The following ZNF679 variants were observed in gnomAD, a reference collection of about 807,000 sequenced individuals.
ZNF679 encodes the protein hypothetical protein MGC42415.
In ZNF679, 10 loss-of-function variants were observed where a neutral mutation model predicts 13.4. The observed-to-expected ratio is 0.75, with a 90% CI of 0.46 to 1.27. The LOEUF (loss-of-function observed/expected upper bound fraction) is 1.27. Among genes scored for constraint, ZNF679 ranks in the 50% most tolerant of loss-of-function variants. The pLI, the probability that ZNF679 is intolerant of heterozygous loss-of-function variation, is 0.00. For synonymous variants in ZNF679, 179 were observed against 162.5 expected (o/e 1.10, Z -0.77); for missense variants, 525 against 477.8 (o/e 1.10, Z -0.92).
chr7:64,238,462 A>G (rs938126075), intron 1 of ZNF679, among the ~76,000 whole-genome samples: 5 of 152,066 alleles, frequency 3.3e-5, no homozygotes, highest in African/African-American at 1.2e-4. Flanking sequence ...ATCTCAGCTC[A>G]CTGCACCCTG....
chr7:64,256,108 T>C (rs1788001967), intron 2 of ZNF679, among the ~76,000 whole-genome samples: 2 of 152,076 alleles, frequency 1.3e-5, no homozygotes, highest in South Asian at 2.1e-4. Flanking sequence ...GTGTCTGTTC[T>C]CTTATTTGTG....
At chr7:64,264,109 A>G (rs1788112379) in intron 4 of ZNF679, among the ~76,000 whole-genome samples, 1 of 151,964 alleles carries the variant, frequency 6.6e-6, no homozygotes, top group African/African-American at 2.4e-5. Flanking sequence ...AAATGGACTT[A>G]TTTTACCATT....
chr7:64,237,675 C>T (rs1787745574), intron 1 of ZNF679, among the ~76,000 whole-genome samples: 1 of 152,134 alleles, frequency 6.6e-6, no homozygotes, highest in Admixed American at 6.5e-5. Context: ...TGGACCCAAC[C>T]ACATCAGGAC....
chr7:64,244,421 T>C (rs778430085), intron 1 of ZNF679, among the ~76,000 whole-genome samples: 1 of 151,816 alleles, frequency 6.6e-6, no homozygotes, highest in Non-Finnish European at 1.5e-5. Flanking sequence ...AGTTATATTT[T>C]TGTTTGTTTT....
chr7:64,244,906 G>A (rs1003735853), intron 1 of ZNF679, among the ~76,000 whole-genome samples: 1 of 152,212 alleles, frequency 6.6e-6, no homozygotes, highest in Non-Finnish European at 1.5e-5. Flanking sequence ...CTATATGCTG[G>A]ATGGTAGAAA....
chr7:64,253,492 A>C (rs1787967682), intron 2 of ZNF679, among the ~76,000 whole-genome samples: 2 of 152,230 alleles, frequency 1.3e-5, no homozygotes, highest in Non-Finnish European at 2.9e-5. Context: ...ACCCACAGGC[A>C]GATTCAGTCA....
At chr7:64,229,383 A>G (rs1333676019) in intron 1 of ZNF679, among the ~76,000 whole-genome samples, 1 of 152,144 alleles carries the variant, frequency 6.6e-6, no homozygotes, top group Admixed American at 6.5e-5. Flanking sequence ...TGGTCCAAGT[A>G]TAAGAGACAA....
At chr7:64,249,402 A>G (rs199791418) in intron 2 of ZNF679, among the ~76,000 whole-genome samples, 1 of 152,144 alleles carries the variant, frequency 6.6e-6, no homozygotes, top group Non-Finnish European at 1.5e-5. Flanking sequence ...CTCTCTGGGC[A>G]GCTCTGCACT....
At chr7:64,229,688 C>T (rs563069609) in intron 1 of ZNF679, among the ~76,000 whole-genome samples, 2 of 152,232 alleles carry the variant, frequency 1.3e-5, no homozygotes, top group South Asian at 2.1e-4. Context: ...AATGCAGACC[C>T]TTACCTGTGT....
Position 64,266,283 on chromosome 7 carries a change from G to A in ZNF679, c.650G>A (p.Cys217Tyr). 1 of 1,599,744 alleles carries A rather than the reference G, an allele frequency of 6.3e-7. No individual in the cohort carries two copies. The highest frequency in any genetic ancestry group is 8.5e-7 in the Non-Finnish European group (1 of 1,172,584). The change falls in exon 5 of 5, where the codon TGC (cysteine) becomes TAC (tyrosine). Residue 217 changes from cysteine to tyrosine, a missense_variant. Coordinates refer to ENST00000421025, the MANE Select transcript of ZNF679 (RefSeq NM_153363.3). ...TRENSYQCEE[C>Y]GKPFNCSSTL... ...GAGAATTCCTACCAATGTGAAGAAT[G>A]CGGCAAACCCTTCAACTGCTCTTCA...
chr7:64,266,814 G>C lies in ZNF679; in HGVS notation c.1181G>C (p.Ser394Thr), dbSNP rs765912236. 4.4e-6 allele frequency: 7 copies of C among 1,601,364 alleles called. No homozygotes were observed. The highest frequency in any genetic ancestry group is 4.0e-5 in the African/African-American group (3 of 74,224). The stretch of plus-strand genomic sequence containing the variant: ...GACAAAGCTTTTAAGTGGTCCTCAA[G>C]TCTTGCTAATCATAAGAGTATGCAT... ...ECDKAFKWSSSLANHKSMHTG... is the reference protein window; with the variant it reads ...ECDKAFKWSSTLANHKSMHTG... Residue 394 changes from serine to threonine, a missense_variant, in exon 5 of 5, where the codon AGT becomes ACT. By Grantham distance (58) the Ser-to-Thr change is moderately conservative (BLOSUM62 1). Transcript: ENST00000421025.
At chr7:64,239,900 C>T (rs1475251826) in intron 1 of ZNF679, among the ~76,000 whole-genome samples, 4 of 152,194 alleles carry the variant, frequency 2.6e-5, no homozygotes, top group Non-Finnish European at 5.9e-5. Context: ...CAACATATTG[C>T]TGGGCCCAGT....
Position 64,266,847 on chromosome 7 carries a change from A to G in ZNF679, c.1214A>G (p.Glu405Gly), listed in dbSNP as rs1562644094. ...AATCATAAGAGTATGCATACTGGAG[A>G]GAAACCCTACAAATGTGAATAATGT... Reference protein sequence around the residue: ...LANHKSMHTGEKPYKCE With the variant: ...LANHKSMHTGGKPYKCE The change falls in exon 5 of 5, where the codon GAG becomes GGG. Residue 405 changes from glutamate (E) to glycine (G), a missense_variant. By Grantham distance (98) the Glu-to-Gly change is moderately conservative (BLOSUM62 -2). Coordinates refer to ENST00000421025, the MANE Select transcript of ZNF679 (RefSeq NM_153363.3). 3 of 1,583,000 alleles carry G rather than the reference A, an allele frequency of 1.9e-6. No homozygotes were observed. The highest frequency in any genetic ancestry group is 2.6e-6 in the Non-Finnish European group (3 of 1,164,134).
chr7:64,229,496 A>G (rs1329565041), intron 1 of ZNF679, among the ~76,000 whole-genome samples: 1 of 152,074 alleles, frequency 6.6e-6, no homozygotes, highest in African/African-American at 2.4e-5. Context: ...TCCATATGTG[A>G]GATTTATAAC....
At chr7:64,243,345 G>A (rs1426623293) in intron 1 of ZNF679, among the ~76,000 whole-genome samples, 3 of 152,072 alleles carry the variant, frequency 2.0e-5, no homozygotes, top group East Asian at 1.9e-4. Flanking sequence ...CTGGGCCAGC[G>A]ATATGTCAAT....
intron 1 of ZNF679, among the ~76,000 whole-genome samples, chr7:64,243,722 C>A (rs1379272238): frequency 6.6e-6 from 1 of 152,150 alleles, no homozygotes; most frequent in African/African-American, 2.4e-5. Context: ...ACAATCTAAA[C>A]TGTAGGTGAG....
intron 2 of ZNF679, 85 bp downstream of exon 2, chr7:64,249,241 C>G: frequency 6.2e-7 from 1 of 1,610,906 alleles, no homozygotes; most frequent in Non-Finnish European, 8.5e-7. Flanking sequence ...CCCAAACTTC[C>G]TCGCAGTCAG....
At chr7:64,260,398 T>C in intron 3 of ZNF679, 51 bp downstream of exon 3, 1 of 1,548,278 alleles carries the variant, frequency 6.5e-7, no homozygotes, top group Non-Finnish European at 8.6e-7. Context: ...TTCTCTCTTT[T>C]CTAAAATGTT....
At chr7:64,243,119 T>C (rs1787819553) in intron 1 of ZNF679, among the ~76,000 whole-genome samples, 1 of 152,202 alleles carries the variant, frequency 6.6e-6, no homozygotes, top group Admixed American at 6.5e-5. Context: ...AAAGACTTTA[T>C]AGAATATGCA....
Sources: gnomAD v4.1 joint callset for allele counts (sites outside exome capture counted in the v4.1 genomes callset) on GRCh38, gnomAD v4.1.1 for gene constraint, MANE v1.5 for transcripts, NCBI Gene and HGNC (gene_info 2026-07-23, HGNC 2026-07-21) for gene names.